Variants in CEP128 observed in about 807,000 individuals in gnomAD.
The protein encoded by CEP128 is centrosomal protein 128.
Under a neutral mutation model 156.7 loss-of-function variants are expected in CEP128, and 132 were observed. That is an observed-to-expected ratio of 0.84 (90% CI 0.73 to 0.97). The LOEUF (loss-of-function observed/expected upper bound fraction) is 0.97, where lower values mean the gene tolerates loss of function less well. Ranked by LOEUF, CEP128 falls within the 50% of genes least tolerant of loss-of-function variation. The pLI is 0.00. For synonymous variants in CEP128, 469 were observed against 448.9 expected, an observed-to-expected ratio of 1.04 and a Z score of -0.57; for missense variants, 1,252 against 1,281.9, an observed-to-expected ratio of 0.98 and a Z score of 0.36.
intron 19 of CEP128, among the ~76,000 whole-genome samples, chr14:80,630,234 C>T (rs1439029578): frequency 6.6e-6 from 1 of 151,826 alleles, no homozygotes; most frequent in Non-Finnish European, 1.5e-5. Flanking sequence ...TCTTATGTGG[C>T]ATTAGAAAAG....
intron 13 of CEP128, among the ~76,000 whole-genome samples, chr14:80,819,109 G>A (rs956154295): frequency 6.6e-6 from 1 of 152,102 alleles, no homozygotes; most frequent in South Asian, 2.1e-4. Context: ...CTGGAAGCTG[G>A]AAATCAAAGA....
intron 16 of CEP128, among the ~76,000 whole-genome samples, chr14:80,764,080 T>C (rs544055954): frequency 1.8e-4 from 28 of 152,366 alleles, no homozygotes; most frequent in African/African-American, 6.7e-4. Context: ...TACTTTTCTG[T>C]GGTCTCCATT....
At chr14:80,580,286 C>G (rs1170384427) in intron 20 of CEP128, 88 bp downstream of exon 20, 57 of 804,396 alleles carry the variant, frequency 7.1e-5, no homozygotes, top group Non-Finnish European at 1.0e-4. Flanking sequence ...ATTTGCTATA[C>G]CAGTGTGAAT....
intron 19 of CEP128, among the ~76,000 whole-genome samples, chr14:80,719,402 A>T (rs1897729813): frequency 6.6e-6 from 1 of 152,222 alleles, no homozygotes; most frequent in African/African-American, 2.4e-5. Flanking sequence ...ATTATTTCCC[A>T]GGGTATGCTA....
chr14:80,577,874 C>T (rs1022191009), intron 20 of CEP128, among the ~76,000 whole-genome samples: 2 of 152,154 alleles, frequency 1.3e-5, no homozygotes, highest in African/African-American at 4.8e-5. Flanking sequence ...ACATACTGAA[C>T]TTTCAGTTCC....
chr14:80,509,459 C>A (rs1888142819), intron 23 of CEP128, among the ~76,000 whole-genome samples: 1 of 152,198 alleles, frequency 6.6e-6, no homozygotes, highest in South Asian at 2.1e-4. Context: ...CTATCCAGAT[C>A]TTTTGCCTGT....
intron 12 of CEP128, among the ~76,000 whole-genome samples, chr14:80,833,396 TAC>T (rs1300370466): frequency 6.6e-6 from 1 of 151,770 alleles, no homozygotes; most frequent in Non-Finnish European, 1.5e-5. Flanking sequence ...AAGATAAATA[TAC>T]ACACACATCT....
At chr14:80,663,702 G>A (rs766000983) in intron 19 of CEP128, among the ~76,000 whole-genome samples, 3 of 152,150 alleles carry the variant, frequency 2.0e-5, no homozygotes, top group Non-Finnish European at 4.4e-5. Context: ...CATGAGGTTG[G>A]CATCGTTTCC....
intron 8 of CEP128, among the ~76,000 whole-genome samples, chr14:80,889,200 C>T (rs568096208): frequency 6.6e-6 from 1 of 152,208 alleles, no homozygotes; most frequent in Non-Finnish European, 1.5e-5. Flanking sequence ...AATGGCAATA[C>T]TGCCCAAAGT....
At chr14:80,517,286 T>A (rs1203719813) in intron 23 of CEP128, among the ~76,000 whole-genome samples, 1 of 152,112 alleles carries the variant, frequency 6.6e-6, no homozygotes, top group Admixed American at 6.5e-5. Flanking sequence ...TTGCTCTTGG[T>A]CTTCTAGATT....
At chr14:80,714,125 G>A (rs1369150921) in intron 19 of CEP128, among the ~76,000 whole-genome samples, 1 of 152,136 alleles carries the variant, frequency 6.6e-6, no homozygotes, top group Non-Finnish European at 1.5e-5. Context: ...CACTATAGCA[G>A]AAGTGAGCAG....
intron 19 of CEP128, among the ~76,000 whole-genome samples, chr14:80,685,664 C>T (rs768400768): frequency 6.6e-6 from 1 of 151,968 alleles, no homozygotes; most frequent in Non-Finnish European, 1.5e-5. Flanking sequence ...TAATCCTAAG[C>T]AAAAAGAACA....
In CEP128 at chr14:80,836,275, T is replaced by G. The variant is rs1238098133; in HGVS notation, c.987A>C (p.Gln329His). 6 of 1,614,084 alleles carry G rather than the reference T, an allele frequency of 3.7e-6. No individual in the cohort carries two copies. Among genetic ancestry groups the G allele is most frequent in the Non-Finnish European group, 4.2e-6 (5 of 1,179,944 alleles). ...AEGDRKGLQH[Q>H]VSQISKQQSN... ...ACTGTTGCTTGGAAATCTGAGATAC[T>G]TGATGCTGTAAACCCTTTCGATCAC... The change falls in exon 12 of 25, where the codon CAA (glutamine) becomes CAC (histidine). Residue 329 changes from glutamine to histidine, a missense_variant. Transcript: ENST00000555265.
At chr14:80,523,130 C>A (rs1001784548) in intron 23 of CEP128, among the ~76,000 whole-genome samples, 13 of 152,194 alleles carry the variant, frequency 8.5e-5, no homozygotes, top group Admixed American at 1.3e-4. Context: ...GCAGTGTGGT[C>A]ATGTTGGATG....
intron 4 of CEP128, 50 bp from the exon 5 acceptor site, chr14:80,906,131 C>T: frequency 1.5e-6 from 2 of 1,359,866 alleles, no homozygotes; most frequent in Non-Finnish European, 2.0e-6. Flanking sequence ...TAAACAACTT[C>T]CAAATACAAA....
intron 14 of CEP128, among the ~76,000 whole-genome samples, chr14:80,484,011 C>T (rs187244513): frequency 6.8e-4 from 103 of 152,198 alleles, no homozygotes; most frequent in African/African-American, 2.2e-3. Flanking sequence ...GGGTCCCACT[C>T]TGTTGCCTAG....
intron 23 of CEP128, among the ~76,000 whole-genome samples, chr14:80,512,244 T>C (rs1888294488): frequency 6.6e-6 from 1 of 152,090 alleles, no homozygotes; most frequent in African/African-American, 2.4e-5. Context: ...TTTATATATC[T>C]GGGTAATCCA....
chr14:80,776,476 T>C (rs930402658), intron 16 of CEP128, among the ~76,000 whole-genome samples: 3 of 148,272 alleles, frequency 2.0e-5, no homozygotes, highest in African/African-American at 7.3e-5. Context: ...AGAGAATTTA[T>C]ATATATATTT....
Position 80,649,913 on chromosome 14 carries a change from C to T in CEP128, c.2807-69490G>A, listed in dbSNP as rs551848378. Among the ~76,000 whole-genome samples the T allele has an allele frequency of 1.7e-4, 26 of 152,188 alleles. 1 individual carries two copies. The South Asian group carries it at 4.6e-3, about 27-fold the overall frequency. On this transcript the variant is annotated intron_variant, in intron 19 of 24. Transcript: ENST00000555265. Reference sequence around the variant, plus strand: ...CGGCTATGTGGGCTCCTTTATGATTCCATATGAAATTTGAAGTAGTTTTTT... The same window carrying T: ...CGGCTATGTGGGCTCCTTTATGATTTCATATGAAATTTGAAGTAGTTTTTT...
Sources: allele counts gnomAD v4.1 joint callset (sites outside exome capture counted in the v4.1 genomes callset), GRCh38; gene constraint gnomAD v4.1.1; transcripts MANE v1.5; gene names NCBI Gene and HGNC (gene_info 2026-07-23, HGNC 2026-07-21).